The following APBA1 variants were observed in gnomAD, a reference collection of about 807,000 sequenced individuals.
The protein encoded by APBA1 is amyloid beta precursor protein binding family A member 1, also known as amyloid-beta A4 precursor protein-binding family A member 1.
APBA1 carries 55 observed loss-of-function variants against 86.6 expected under a neutral mutation model. That is an observed-to-expected ratio of 0.64 (90% CI 0.51 to 0.80). APBA1 has a LOEUF of 0.80. Among genes scored for constraint, APBA1 ranks in the 30% least tolerant of loss-of-function variants. The pLI is 0.00. For synonymous variants in APBA1, 511 were observed against 493.9 expected (o/e 1.03, Z -0.46); for missense variants, 1,090 against 1,183.0 (o/e 0.92, Z 1.15).
At chr9:69,572,318 C>G (rs545285590) in intron 1 of APBA1, among the ~76,000 whole-genome samples, 32 of 152,312 alleles carry the variant, frequency 2.1e-4, no homozygotes, top group African/African-American at 7.7e-4. Context: ...TCAGCTCCCA[C>G]TTCTAAGTGA....
intron 4 of APBA1, among the ~76,000 whole-genome samples, chr9:69,468,289 G>A (rs754283831): frequency 6.6e-6 from 1 of 152,182 alleles, no homozygotes; most frequent in Non-Finnish European, 1.5e-5. Context: ...AGGGGACAAG[G>A]ACCATGTGAC....
intron 1 of APBA1, among the ~76,000 whole-genome samples, chr9:69,579,184 C>G (rs977412587): frequency 2.6e-5 from 4 of 152,070 alleles, no homozygotes; most frequent in Admixed American, 2.6e-4. Flanking sequence ...TGCATGGAGC[C>G]AGCATCAGCA....
At chr9:69,637,136 T>C (rs1314962557) in intron 1 of APBA1, among the ~76,000 whole-genome samples, 1 of 152,164 alleles carries the variant, frequency 6.6e-6, no homozygotes, top group Non-Finnish European at 1.5e-5. Flanking sequence ...AAACTTCACA[T>C]GTTCTCACTT....
intron 1 of APBA1, among the ~76,000 whole-genome samples, chr9:69,536,177 A>G (rs532318770): frequency 8.7e-5 from 13 of 149,362 alleles, no homozygotes; most frequent in African/African-American, 3.1e-4. Context: ...ATTTTTTCCT[A>G]TGCAGTGTTT....
At chr9:69,523,935 T>G (rs1836303526) in intron 1 of APBA1, among the ~76,000 whole-genome samples, 1 of 152,146 alleles carries the variant, frequency 6.6e-6, no homozygotes, top group Non-Finnish European at 1.5e-5. Flanking sequence ...AGAAGATCTC[T>G]CAAAACCACA....
Position 69,517,049 on chromosome 9 carries a change from C to T in APBA1, c.162G>A (p.Gly54=), listed in dbSNP as rs1200546987. The part of the protein sequence containing the change: ...QQHYVGRHQR[G]RALEDLRAQL... Reference sequence around the variant, plus strand: ...GGGCGCGGAGGTCCTCGAGGGCTCGCCCGCGCTGGTGGCGGCCCACATAGT... The same window carrying T: ...GGGCGCGGAGGTCCTCGAGGGCTCGTCCGCGCTGGTGGCGGCCCACATAGT... Residue 54 remains glycine (G), a synonymous_variant, in exon 2 of 13, where the codon GGG becomes GGA. Coordinates refer to ENST00000265381, the MANE Select transcript of APBA1 (RefSeq NM_001163.4). 3 of 1,581,834 alleles carry T rather than the reference C, an allele frequency of 1.9e-6. No individual in the cohort carries two copies. Among genetic ancestry groups the T allele is most frequent in the East Asian group, 2.3e-5 (1 of 43,976 alleles).
At position 69,457,672 on chromosome 9, in the gene APBA1, A is replaced by C. The variant is rs59971271; in HGVS notation, c.1515+484T>G. ...GCCACCCCATTAAGAAAGAGCCCCA[A>C]TGCCTCAACGTCCCAGGAGTAGTAG... On this transcript the variant is annotated intron_variant, in intron 6 of 12. Coordinates refer to ENST00000265381, the MANE Select transcript of APBA1 (RefSeq NM_001163.4). 7.9e-5 allele frequency among the ~76,000 whole-genome samples: 12 copies of C among 152,262 alleles called. No homozygotes were observed. The East Asian group carries it at 1.3e-3, about 17-fold the overall frequency.
intron 1 of APBA1, among the ~76,000 whole-genome samples, chr9:69,614,901 T>G (rs1315578274): frequency 1.3e-5 from 2 of 152,178 alleles, no homozygotes; most frequent in African/African-American, 4.8e-5. Flanking sequence ...TTAAGAAAAT[T>G]TTCTCTTTTA....
At chr9:69,594,224 G>A (rs1380619216) in intron 1 of APBA1, among the ~76,000 whole-genome samples, 1 of 152,134 alleles carries the variant, frequency 6.6e-6, no homozygotes, top group Non-Finnish European at 1.5e-5. Context: ...ACTTCAATGT[G>A]CCTAAAATCA....
At chr9:69,514,921 C>A (rs1477575776) in intron 2 of APBA1, among the ~76,000 whole-genome samples, 1 of 152,032 alleles carries the variant, frequency 6.6e-6, no homozygotes, top group Non-Finnish European at 1.5e-5. Context: ...CAAAACAAAA[C>A]AAATAAACAA....
intron 12 of APBA1, among the ~76,000 whole-genome samples, chr9:69,431,762 G>C (rs1834599971): frequency 1.3e-5 from 2 of 152,236 alleles, no homozygotes; most frequent in Non-Finnish European, 2.9e-5. Context: ...TGGCAGATGA[G>C]GCAAGGATGA....
intron 10 of APBA1, among the ~76,000 whole-genome samples, chr9:69,442,502 C>G (rs752952466): frequency 5.9e-5 from 9 of 152,138 alleles, no homozygotes; most frequent in Non-Finnish European, 8.8e-5. Context: ...ACTTTTCCTG[C>G]AGGAGAGAAC....
intron 1 of APBA1, among the ~76,000 whole-genome samples, chr9:69,577,358 G>A (rs1003450014): frequency 6.6e-6 from 1 of 152,192 alleles, no homozygotes; most frequent in Admixed American, 6.5e-5. Context: ...ACATGAGACT[G>A]AGGGAAAACT....
In APBA1 at chr9:69,561,699, G is replaced by A. The variant is rs116968116; in HGVS notation, c.-69-44420C>T. 5.0e-3 allele frequency among the ~76,000 whole-genome samples: 752 copies of A among 151,072 alleles called. 5 individuals carry two copies. Among genetic ancestry groups the A allele is most frequent in the Non-Finnish European group, 7.9e-3 (535 of 67,886 alleles). On this transcript the variant is annotated intron_variant, in intron 1 of 12. Transcript: ENST00000265381. ...GGCTGGACTGCAGTGGTGCCATCTC[G>A]ACTCACTGCAACTTCCGCCTTACAG...
At chr9:69,589,071 C>T (rs534578428) in intron 1 of APBA1, among the ~76,000 whole-genome samples, 12 of 152,316 alleles carry the variant, frequency 7.9e-5, no homozygotes, top group African/African-American at 2.6e-4. Flanking sequence ...CCTTCCACCT[C>T]AGCCTCCTGA....
At chr9:69,598,312 T>C (rs545822776) in intron 1 of APBA1, among the ~76,000 whole-genome samples, 3 of 151,790 alleles carry the variant, frequency 2.0e-5, no homozygotes, top group Non-Finnish European at 4.4e-5. Flanking sequence ...AGGGATAGCA[T>C]TGGGAGATAT....
chr9:69,440,940 G>T (rs180704307), intron 11 of APBA1, 56 bp downstream of exon 11: 3 of 1,586,772 alleles, frequency 1.9e-6, no homozygotes, highest in South Asian at 2.3e-5. Context: ...CCCCAGCCAT[G>T]CTACATTTTT....
intron 1 of APBA1, among the ~76,000 whole-genome samples, chr9:69,658,347 T>C (rs1174324969): frequency 6.9e-6 from 1 of 145,118 alleles, no homozygotes; most frequent in Admixed American, 6.8e-5. Flanking sequence ...TCTTTCTTTC[T>C]TTCTTTCTTT....
chr9:69,658,284 C>CTTTCTTTTTCTTTCTT (rs370230255), intron 1 of APBA1, among the ~76,000 whole-genome samples: 1 of 75,482 alleles, frequency 1.3e-5, no homozygotes, highest in Non-Finnish European at 2.9e-5. Flanking sequence ...TTCTTTCTTT[C>CTTTCTTTTTCTTTCTT]TCTCTCTCTT....
Sources: gnomAD v4.1 joint callset for allele counts (sites outside exome capture counted in the v4.1 genomes callset) on GRCh38, gnomAD v4.1.1 for gene constraint, MANE v1.5 for transcripts, NCBI Gene and HGNC (gene_info 2026-07-23, HGNC 2026-07-21) for gene names.